Variants in CAMTA1 observed in about 807,000 individuals in gnomAD.
The protein encoded by CAMTA1 is calmodulin-binding transcription activator 1.
In CAMTA1, 27 loss-of-function variants were observed where a neutral mutation model predicts 170.9. That is an observed-to-expected ratio of 0.16 (90% CI 0.12 to 0.22). The LOEUF (loss-of-function observed/expected upper bound fraction) is 0.22. CAMTA1 is among the 10% of genes least tolerant of loss of function. The pLI is 1.00. For missense variants in CAMTA1, 1,619 were observed against 2,217.2 expected, an observed-to-expected ratio of 0.73 and a Z score of 5.42; for synonymous variants, 833 against 891.5, an observed-to-expected ratio of 0.93 and a Z score of 1.17.
chr1:7,730,289 C>G (rs563790236), intron 11 of CAMTA1, among the ~76,000 whole-genome samples: 1 of 151,554 alleles, frequency 6.6e-6, no homozygotes, highest in African/African-American at 2.4e-5. Context: ...ACCTCCAGCT[C>G]TATCGTCTCC....
intron 3 of CAMTA1, among the ~76,000 whole-genome samples, chr1:6,861,448 A>G (rs1245840334): frequency 1.3e-5 from 2 of 152,202 alleles, no homozygotes; most frequent in Non-Finnish European, 2.9e-5. Context: ...GACTTCTCAC[A>G]TCTTAGAACA....
intron 4 of CAMTA1, among the ~76,000 whole-genome samples, chr1:7,139,941 A>G (rs1304932155): frequency 2.0e-5 from 3 of 152,220 alleles, no homozygotes; most frequent in Admixed American, 6.5e-5. Context: ...AAATATATCA[A>G]GAATGACAAT....
chr1:7,210,263 C>T (rs1019609237), intron 4 of CAMTA1, among the ~76,000 whole-genome samples: 2 of 152,180 alleles, frequency 1.3e-5, no homozygotes, highest in Admixed American at 1.3e-4. Flanking sequence ...ATTCTTCAGT[C>T]TTTGTCTTTC....
chr1:7,509,908 G>A (rs1246445067), intron 6 of CAMTA1, among the ~76,000 whole-genome samples: 1 of 151,702 alleles, frequency 6.6e-6, no homozygotes, highest in African/African-American at 2.4e-5. Flanking sequence ...AGGCCATGAA[G>A]CTTTTTAGCA....
chr1:7,050,240 G>A lies in CAMTA1; in HGVS notation c.235-41064G>A, dbSNP rs552785633. 2.0e-5 allele frequency among the ~76,000 whole-genome samples: 3 copies of A among 152,300 alleles called. No individual in the cohort carries two copies. In the East Asian group the frequency reaches 5.8e-4, roughly 29 times the overall value. ...CACCCTGGTCCTCCATGGTGGTGAA[G>A]GGCTGGGGGTAGGACCACAGCCTCC... On this transcript the variant is annotated intron_variant, in intron 3 of 22. Coordinates refer to ENST00000303635, the MANE Select transcript of CAMTA1 (RefSeq NM_015215.4). This position sits in a 1 kb window ranked among gnomAD's most constrained non-coding sequence, Gnocchi z 4.8.
rs1169951742 is a variant in CAMTA1 at position 7,664,681 on chromosome 1, G to T, written c.2134G>T (p.Ala712Ser). 6.2e-7 allele frequency: 1 copy of T among 1,605,564 alleles called. No individual in the cohort carries two copies. The highest frequency in any genetic ancestry group is 1.1e-5 in the South Asian group (1 of 90,900). ...EVLLKSGELQ[A>S]CSSEHYLQPE... ...CCTGCTCAAGTCTGGGGAGCTGCAG[G>T]CTTGCAGCTCTGAGCACTACCTGCA... is the stretch of plus-strand genomic sequence containing the variant. The change falls in exon 9 of 23, where the codon GCT becomes TCT. Residue 712 changes from alanine (A) to serine (S), a missense_variant. By Grantham distance (99) the Ala-to-Ser change is moderately conservative (BLOSUM62 1). Coordinates refer to ENST00000303635, the MANE Select transcript of CAMTA1 (RefSeq NM_015215.4).
intron 6 of CAMTA1, among the ~76,000 whole-genome samples, chr1:7,618,027 C>A (rs558898165): frequency 7.2e-5 from 11 of 152,158 alleles, no homozygotes; most frequent in Non-Finnish European, 1.6e-4. Flanking sequence ...CCTGAATTAC[C>A]CAGATGGACT....
At chr1:6,891,589 A>G (rs1215755737) in intron 3 of CAMTA1, among the ~76,000 whole-genome samples, 1 of 152,188 alleles carries the variant, frequency 6.6e-6, no homozygotes, top group Non-Finnish European at 1.5e-5. Context: ...TCAGTATTTC[A>G]ACTAGGCGTT....
rs899273592 is a variant in CAMTA1 at position 7,014,717 on chromosome 1, C to T, written c.235-76587C>T. 1.3e-5 allele frequency among the ~76,000 whole-genome samples: 2 copies of T among 152,108 alleles called. No homozygotes were observed. Among genetic ancestry groups the T allele is most frequent in the Admixed American group, 6.5e-5 (1 of 15,276 alleles). ...TCTCGGGTATCATGACCAGGCTCCTCGTAAGAGGTGGGACTCAGCCGAGGG... is the reference window on the plus strand; with the variant it reads ...TCTCGGGTATCATGACCAGGCTCCTTGTAAGAGGTGGGACTCAGCCGAGGG... On this transcript the variant is annotated intron_variant, in intron 3 of 22. Transcript: ENST00000303635. The surrounding 1 kb of genome is among the most constrained non-coding windows in gnomAD (Gnocchi z 4.2).
chr1:7,312,689 A>G (rs115157533), intron 5 of CAMTA1, among the ~76,000 whole-genome samples: 2,172 of 152,138 alleles, frequency 0.014, 52 homozygotes, highest in African/African-American at 0.05. Context: ...TCCCTAACTG[A>G]CTTTCAGCAG....
chr1:6,928,492 A>G (rs1683769193), intron 3 of CAMTA1, among the ~76,000 whole-genome samples: 1 of 152,118 alleles, frequency 6.6e-6, no homozygotes, highest in East Asian at 1.9e-4. Flanking sequence ...TCTAGCTCCC[A>G]CACAGCCCCT....
In CAMTA1 at chr1:7,738,669, C is replaced by A. The variant is rs138969038; in HGVS notation, c.4182+187C>A. ...CATTTTCATTCGGTGAATCGGGCAC[C>A]GGGAGTAGGGCCTGAATACCAGTGA... On this transcript the variant is annotated intron_variant, in intron 16 of 22. Transcript: ENST00000303635. The surrounding 1 kb of genome is among the most constrained non-coding windows in gnomAD (Gnocchi z 4.9). 6.6e-6 allele frequency among the ~76,000 whole-genome samples: 1 copy of A among 152,068 alleles called. No individual in the cohort carries two copies. Among genetic ancestry groups the A allele is most frequent in the Non-Finnish European group, 1.5e-5 (1 of 68,024 alleles).
At chr1:7,602,957 G>C (rs2095458561) in intron 6 of CAMTA1, among the ~76,000 whole-genome samples, 2 of 152,202 alleles carry the variant, frequency 1.3e-5, no homozygotes, top group Admixed American at 1.3e-4. Context: ...CCATGTAGTT[G>C]AGTGGTTTTG....
chr1:6,873,501 G>A (rs1218912514), intron 3 of CAMTA1, among the ~76,000 whole-genome samples: 1 of 152,178 alleles, frequency 6.6e-6, no homozygotes, highest in Non-Finnish European at 1.5e-5. Flanking sequence ...GGATGAGCTG[G>A]TTGATGGTCC....
At chr1:7,001,313 A>G (rs1226133158) in intron 3 of CAMTA1, among the ~76,000 whole-genome samples, 1 of 152,216 alleles carries the variant, frequency 6.6e-6, no homozygotes, top group Non-Finnish European at 1.5e-5. Flanking sequence ...GTATTTGTCA[A>G]GTGAACAAAT....
intron 6 of CAMTA1, among the ~76,000 whole-genome samples, chr1:7,621,690 G>A (rs2095599591): frequency 6.6e-6 from 1 of 152,228 alleles, no homozygotes; most frequent in African/African-American, 2.4e-5. Flanking sequence ...AAGGGGGCTG[G>A]TGAGGTGCCA....
intron 4 of CAMTA1, among the ~76,000 whole-genome samples, chr1:7,203,489 GTT>G (rs34908605): frequency 1.3e-3 from 174 of 138,690 alleles, no homozygotes; most frequent in East Asian, 1.9e-3. Flanking sequence ...CTTGTGGGTA[GTT>G]TTTTTTTTTT....
intron 3 of CAMTA1, among the ~76,000 whole-genome samples, chr1:6,903,969 A>G (rs190911488): frequency 6.6e-6 from 1 of 152,332 alleles, no homozygotes; most frequent in African/African-American, 2.4e-5. Flanking sequence ...GACGATTCCC[A>G]AATTATCTAC....
intron 5 of CAMTA1, among the ~76,000 whole-genome samples, chr1:7,284,730 C>T (rs543187467): frequency 6.6e-6 from 1 of 152,332 alleles, no homozygotes; most frequent in Non-Finnish European, 1.5e-5. Flanking sequence ...CCACCCACCA[C>T]AAGGCCTTTG....
Sources: gnomAD v4.1 joint callset for allele counts (sites outside exome capture counted in the v4.1 genomes callset) on GRCh38, gnomAD v4.1.1 for gene constraint, Gnocchi (gnomAD v3.1) non-coding constraint, MANE v1.5 for transcripts, NCBI Gene and HGNC (gene_info 2026-07-23, HGNC 2026-07-21) for gene names.